Variants in MC2R observed in about 807,000 individuals in gnomAD.
MC2R encodes the protein adrenocorticotropic hormone receptor.
In MC2R, 9 loss-of-function variants were observed where a neutral mutation model predicts 9.8. The observed-to-expected ratio is 0.92, with a 90% confidence interval of 0.55 to 1.60. The LOEUF is 1.60. MC2R is among the 40% of genes most tolerant of loss of function. The pLI is 0.00. For synonymous variants in MC2R, 185 were observed against 154.7 expected (o/e 1.20, Z -1.45); for missense variants, 370 against 389.0 (o/e 0.95, Z 0.41).
At chr18:13,891,843 A>G (rs77313454) in intron 1 of MC2R, among the ~76,000 whole-genome samples, 13,616 of 152,040 alleles carry the variant, frequency 0.09, 984 homozygotes, top group African/African-American at 0.19. Context: ...AGGGAGTGGC[A>G]TTTTCTCTTT....
At chr18:13,902,035 A>C (rs2045383176) in intron 1 of MC2R, among the ~76,000 whole-genome samples, 1 of 152,170 alleles carries the variant, frequency 6.6e-6, no homozygotes, top group Admixed American at 6.5e-5. Context: ...TATTGGAAAG[A>C]TCATTCATCA....
intron 1 of MC2R, among the ~76,000 whole-genome samples, chr18:13,898,713 G>T (rs1412682528): frequency 1.3e-5 from 2 of 152,218 alleles, no homozygotes; most frequent in Non-Finnish European, 2.9e-5. Context: ...TAAGGGACGA[G>T]AACAAGAGTC....
rs1204979377 is a variant in MC2R at position 13,883,625 on chromosome 18, ACACTCTCTCTCT to A, written c.*988_*999del. 2.4e-5 allele frequency: 1 copy of A among 42,414 alleles called. No individual in the cohort carries two copies. The highest frequency in any genetic ancestry group is 7.2e-5 in the African/African-American group (1 of 13,976). The allele number at this position is 42,414 out of a possible 1,614,324, so 2.6% of individuals were successfully genotyped here. On this transcript the variant is annotated 3_prime_UTR_variant, in exon 2 of 2. Transcript: ENST00000327606. ...CACACACACACACACACACACACACACACTCTCTCTCTCTCTCTCTCTCTCTCTCTCTGTCTG... is the reference window on the plus strand; with the variant it reads ...CACACACACACACACACACACACACACTCTCTCTCTCTCTCTCTCTGTCTG...
At chr18:13,912,825 T>C (rs1184563341) in intron 1 of MC2R, among the ~76,000 whole-genome samples, 2 of 152,198 alleles carry the variant, frequency 1.3e-5, no homozygotes, top group Non-Finnish European at 2.9e-5. Flanking sequence ...CTCGCTATGG[T>C]AGGCAATGGC....
At chr18:13,901,874 T>C (rs1458199550) in intron 1 of MC2R, among the ~76,000 whole-genome samples, 1 of 152,092 alleles carries the variant, frequency 6.6e-6, no homozygotes, top group African/African-American at 2.4e-5. Context: ...ACTTCCAAAC[T>C]CATTCTACAA....
intron 1 of MC2R, among the ~76,000 whole-genome samples, chr18:13,914,780 C>G (rs1349251041): frequency 6.6e-6 from 1 of 152,172 alleles, no homozygotes; most frequent in African/African-American, 2.4e-5. Context: ...GTAACATGTG[C>G]CCCCCGACAG....
chr18:13,888,043 T>A (rs578036367), intron 1 of MC2R, among the ~76,000 whole-genome samples: 1 of 152,282 alleles, frequency 6.6e-6, no homozygotes, highest in South Asian at 2.1e-4. Context: ...TCCCATCTCA[T>A]GAGTCCATTA....
chr18:13,884,503 C>A lies in MC2R; in HGVS notation c.*122G>T. On this transcript the variant is annotated 3_prime_UTR_variant, in exon 2 of 2. Coordinates refer to ENST00000327606, the MANE Select transcript of MC2R (RefSeq NM_000529.2). ...TATTAGAAACACTAGCTGGTGGGATCATCCTTGCATCCATTAGGGAAGGAA... is the reference window on the plus strand; with the variant it reads ...TATTAGAAACACTAGCTGGTGGGATAATCCTTGCATCCATTAGGGAAGGAA... 9.3e-7 allele frequency: 1 copy of A among 1,075,658 alleles called. No homozygotes were observed. The highest frequency in any genetic ancestry group is 1.7e-5 in the Admixed American group (1 of 57,206). The allele number at this position is 1,075,658 out of a possible 1,614,324, so 66.6% of individuals were successfully genotyped here.
rs967956305 is a variant in MC2R at position 13,883,037 on chromosome 18, G to A, written c.*1588C>T. 1 of 152,278 alleles carries A rather than the reference G, an allele frequency of 6.6e-6. No individual in the cohort carries two copies. Among genetic ancestry groups the A allele is most frequent in the Non-Finnish European group, 1.5e-5 (1 of 68,126 alleles). 9.4% of individuals were successfully genotyped at this position (152,278 alleles called of 1,614,324 possible). A position where few individuals can be genotyped will look rare whatever the true frequency, so the allele number is the denominator to read the frequency against. On this transcript the variant is annotated 3_prime_UTR_variant, in exon 2 of 2. Coordinates refer to ENST00000327606, the MANE Select transcript of MC2R (RefSeq NM_000529.2). ...TGACTCCAGCTGCCTTGCCTCCTTT[G>A]CTTCTGAAGTTCCTGTCCCTGCCAC...
intron 1 of MC2R, among the ~76,000 whole-genome samples, chr18:13,888,878 T>G (rs1479412978): frequency 6.6e-6 from 1 of 152,232 alleles, no homozygotes; most frequent in Non-Finnish European, 1.5e-5. Context: ...CTTAAAGAAC[T>G]TGGATAGGGG....
In MC2R at chr18:13,884,317, T is replaced by A. The variant is rs888000757; in HGVS notation, c.*308A>T. On this transcript the variant is annotated 3_prime_UTR_variant, in exon 2 of 2. Transcript: ENST00000327606. ...TTTTACTAGATTGGTGCAAAAGTAA[T>A]TGCAATTTTTGGTCATTGAAAGTAA... is the stretch of plus-strand genomic sequence containing the variant. 1 of 418,880 alleles carries A rather than the reference T, an allele frequency of 2.4e-6. No individual in the cohort carries two copies. Among genetic ancestry groups the A allele is most frequent in the African/African-American group, 2.0e-5 (1 of 49,554 alleles). 25.9% of individuals were successfully genotyped at this position (418,880 alleles called of 1,614,324 possible). A position where few individuals can be genotyped will look rare whatever the true frequency, so the allele number is the denominator to read the frequency against.
At chr18:13,911,195 C>A (rs2045442077) in intron 1 of MC2R, among the ~76,000 whole-genome samples, 1 of 152,196 alleles carries the variant, frequency 6.6e-6, no homozygotes, top group Admixed American at 6.5e-5. Flanking sequence ...AGGAGAGGAG[C>A]TGAGGGCCGG....
At chr18:13,899,088 A>T (rs2045363816) in intron 1 of MC2R, among the ~76,000 whole-genome samples, 1 of 152,228 alleles carries the variant, frequency 6.6e-6, no homozygotes, top group Admixed American at 6.5e-5. Context: ...AAACACCTGT[A>T]TTGAAGAAAC....
chr18:13,913,741 T>C (rs1248964317), intron 1 of MC2R, among the ~76,000 whole-genome samples: 1 of 152,152 alleles, frequency 6.6e-6, no homozygotes, highest in African/African-American at 2.4e-5. Flanking sequence ...AAGTACAGAC[T>C]CTCTTCCACT....
chr18:13,909,983 T>C (rs2045435696), intron 1 of MC2R, among the ~76,000 whole-genome samples: 1 of 152,240 alleles, frequency 6.6e-6, no homozygotes, highest in Non-Finnish European at 1.5e-5. Flanking sequence ...ATGTTATATC[T>C]AAAAACACCA....
At chr18:13,904,375 C>A (rs1470014624) in intron 1 of MC2R, among the ~76,000 whole-genome samples, 14 of 115,890 alleles carry the variant, frequency 1.2e-4, no homozygotes, top group Non-Finnish European at 2.0e-4. Flanking sequence ...AGCAAGACCC[C>A]GTCTCAAAAA....
At chr18:13,889,598 C>T (rs1381120976) in intron 1 of MC2R, among the ~76,000 whole-genome samples, 1 of 152,104 alleles carries the variant, frequency 6.6e-6, no homozygotes, top group African/African-American at 2.4e-5. Flanking sequence ...AATGTGGCCC[C>T]AAATGTGGCT....
At chr18:13,888,398 G>T (rs1046775518) in intron 1 of MC2R, among the ~76,000 whole-genome samples, 6 of 152,182 alleles carry the variant, frequency 3.9e-5, no homozygotes, top group Admixed American at 2.0e-4. Context: ...ACACGAATTG[G>T]TGGCCTTTAT....
intron 1 of MC2R, among the ~76,000 whole-genome samples, chr18:13,896,562 T>C (rs1296323244): frequency 6.6e-6 from 1 of 152,254 alleles, no homozygotes; most frequent in Non-Finnish European, 1.5e-5. Context: ...TAAGCATCTA[T>C]GATTTATTTA....
Sources: gnomAD v4.1 joint callset for allele counts (sites outside exome capture counted in the v4.1 genomes callset) on GRCh38, gnomAD v4.1.1 for gene constraint, MANE v1.5 for transcripts, NCBI Gene and HGNC (gene_info 2026-07-23, HGNC 2026-07-21) for gene names.